Variants in PTPRT observed in about 807,000 individuals in gnomAD.
PTPRT encodes the protein receptor-type tyrosine-protein phosphatase T.
PTPRT carries 56 observed loss-of-function variants against 176.8 expected under a neutral mutation model. The observed-to-expected ratio is 0.32, with a 90% CI of 0.26 to 0.40. The LOEUF (loss-of-function observed/expected upper bound fraction) is 0.40. Among genes scored for constraint, PTPRT ranks in the 10% least tolerant of loss-of-function variants. The pLI, the probability that PTPRT is intolerant of heterozygous loss-of-function variation, is 1.00. For synonymous variants in PTPRT, 783 were observed against 739.0 expected (o/e 1.06, Z -0.96); for missense variants, 1,540 against 1,908.2 (o/e 0.81, Z 3.60).
intron 1 of PTPRT, among the ~76,000 whole-genome samples, chr20:42,958,352 T>A (rs959365982): frequency 1.4e-3 from 7 of 4,856 alleles, no homozygotes; most frequent in Non-Finnish European, 1.6e-3. Context: ...GAGGAGGGGC[T>A]GGGAAGGGAG....
chr20:42,639,810 C>T (rs1415531281), intron 7 of PTPRT, among the ~76,000 whole-genome samples: 1 of 152,026 alleles, frequency 6.6e-6, no homozygotes, highest in African/African-American at 2.4e-5. Flanking sequence ...AATTAGATCC[C>T]TCTCTTCTAC....
At chr20:42,614,506 T>C (rs138412763) in intron 7 of PTPRT, among the ~76,000 whole-genome samples, 19 of 152,036 alleles carry the variant, frequency 1.2e-4, no homozygotes, top group African/African-American at 4.6e-4. Context: ...ATAGCGTGGG[T>C]TCCAGTGTCA....
intron 7 of PTPRT, among the ~76,000 whole-genome samples, chr20:42,487,023 T>C (rs1433167609): frequency 2.6e-5 from 4 of 152,172 alleles, no homozygotes; most frequent in Admixed American, 6.5e-5. Flanking sequence ...TAGATGTGTA[T>C]GTTTTGGTTA....
At chr20:42,252,282 G>A (rs1401021269) in intron 13 of PTPRT, among the ~76,000 whole-genome samples, 3 of 152,190 alleles carry the variant, frequency 2.0e-5, no homozygotes, top group Admixed American at 1.3e-4. Context: ...AGCAAAGTAT[G>A]TAGTCAAAAA....
chr20:42,758,629 T>C (rs920388116), intron 5 of PTPRT, among the ~76,000 whole-genome samples: 1 of 152,152 alleles, frequency 6.6e-6, no homozygotes, highest in Non-Finnish European at 1.5e-5. Context: ...AAAATGGTAT[T>C]GTTCAAAAGC....
intron 2 of PTPRT, among the ~76,000 whole-genome samples, chr20:42,844,758 TC>T (rs1163030126): frequency 2.0e-5 from 3 of 152,172 alleles, no homozygotes; most frequent in African/African-American, 7.2e-5. Flanking sequence ...TTCACACTGC[TC>T]TGGCGTTTGT....
intron 1 of PTPRT, among the ~76,000 whole-genome samples, chr20:42,891,891 A>G (rs2079199705): frequency 6.6e-6 from 1 of 152,246 alleles, no homozygotes; most frequent in African/African-American, 2.4e-5. Context: ...ATTTTCCATA[A>G]AAGACTAGAC....
intron 6 of PTPRT, chr20:42,687,078 C>T (rs115376662): frequency 9.5e-4 from 145 of 152,274 alleles, no homozygotes; most frequent in African/African-American, 3.3e-3. Context: ...AGTTCCTACA[C>T]GTAACAAGTA....
intron 9 of PTPRT, among the ~76,000 whole-genome samples, chr20:42,415,969 T>C (rs1990595572): frequency 6.6e-6 from 1 of 152,252 alleles, no homozygotes; most frequent in Non-Finnish European, 1.5e-5. Context: ...AATGTAGAAC[T>C]GTGTTCATAA....
intron 1 of PTPRT, among the ~76,000 whole-genome samples, chr20:42,891,306 T>C (rs73099982): frequency 4.0e-4 from 61 of 152,238 alleles, no homozygotes; most frequent in Non-Finnish European, 6.5e-4. Context: ...ATCCACATAA[T>C]TGGGGGAGGA....
chr20:42,762,108 G>A (rs2076923427), intron 5 of PTPRT, among the ~76,000 whole-genome samples: 1 of 152,194 alleles, frequency 6.6e-6, no homozygotes, highest in Non-Finnish European at 1.5e-5. Flanking sequence ...AAGACCTTAG[G>A]TCAGAAATAT....
intron 12 of PTPRT, among the ~76,000 whole-genome samples, chr20:42,300,697 T>C (rs1180656923): frequency 6.6e-6 from 1 of 151,528 alleles, no homozygotes; most frequent in African/African-American, 2.4e-5. Flanking sequence ...TGTCCACTAA[T>C]AAATGTGGAA....
chr20:42,592,598 T>G (rs1297457586), intron 7 of PTPRT, among the ~76,000 whole-genome samples: 1 of 152,184 alleles, frequency 6.6e-6, no homozygotes, highest in East Asian at 1.9e-4. Context: ...TCAAGCATTT[T>G]TCAGAACAAG....
At chr20:42,531,441 G>T (rs892440143) in intron 7 of PTPRT, among the ~76,000 whole-genome samples, 1 of 152,318 alleles carries the variant, frequency 6.6e-6, no homozygotes, top group Admixed American at 6.5e-5. Flanking sequence ...TTTACTTGGG[G>T]ATGGCAGATA....
At position 42,672,256 on chromosome 20, in the gene PTPRT, G is replaced by T. The variant is rs1283595440; in HGVS notation, c.1153+5610C>A. Among the ~76,000 whole-genome samples, 4 of 152,280 alleles carry T rather than the reference G, an allele frequency of 2.6e-5. No homozygotes were observed. In the East Asian group the frequency reaches 5.8e-4, roughly 22 times the overall value. ...AGCTGCCAGCATGGCCAGAATAAAA[G>T]CAGGCAGAACATGTAAAGACTAGAC... On this transcript the variant is annotated intron_variant, in intron 7 of 30. Coordinates refer to ENST00000373187, the MANE Select transcript of PTPRT (RefSeq NM_007050.6).
intron 1 of PTPRT, among the ~76,000 whole-genome samples, chr20:42,950,395 T>C (rs1981165184): frequency 6.6e-6 from 1 of 152,248 alleles, no homozygotes; most frequent in African/African-American, 2.4e-5. Context: ...TCAACTTTCA[T>C]TTCCATCCCA....
intron 1 of PTPRT, among the ~76,000 whole-genome samples, chr20:43,097,476 C>A (rs370209743): frequency 1.2e-4 from 18 of 152,204 alleles, no homozygotes; most frequent in East Asian, 7.7e-4. Flanking sequence ...GGCACTCATT[C>A]TATGCCGGGC....
chr20:42,706,202 T>TGA, intron 6 of PTPRT, among the ~76,000 whole-genome samples: 1 of 151,316 alleles, frequency 6.6e-6, no homozygotes, highest in East Asian at 1.9e-4. Flanking sequence ...TGTGTGTGTG[T>TGA]GTGTGTGTGT....
At chr20:43,089,998 G>T (rs1019330864) in intron 1 of PTPRT, among the ~76,000 whole-genome samples, 23 of 152,136 alleles carry the variant, frequency 1.5e-4, no homozygotes, top group Admixed American at 1.4e-3. Context: ...AGTGAAATCC[G>T]CCAATCAACT....
Sources: gnomAD v4.1 joint callset for allele counts (sites outside exome capture counted in the v4.1 genomes callset) on GRCh38, gnomAD v4.1.1 for gene constraint, MANE v1.5 for transcripts, NCBI Gene and HGNC (gene_info 2026-07-23, HGNC 2026-07-21) for gene names.